Variants in FBLN2 observed in about 807,000 individuals in gnomAD.
The protein encoded by FBLN2 is fibulin-2.
In FBLN2, 81 loss-of-function variants were observed where a neutral mutation model predicts 123.7. That is an observed-to-expected ratio of 0.65 (90% CI 0.55 to 0.79). FBLN2 has a LOEUF of 0.79. Ranked by LOEUF, FBLN2 falls within the 30% of genes least tolerant of loss-of-function variation. FBLN2 has a pLI of 0.00. For synonymous variants in FBLN2, 699 were observed against 701.4 expected (o/e 1.00, Z 0.05); for missense variants, 1,603 against 1,681.3 (o/e 0.95, Z 0.81).
At chr3:13,575,515 A>AGGGGGACTCAGTT (rs1398617588) in intron 2 of FBLN2, among the ~76,000 whole-genome samples, 21 of 152,232 alleles carry the variant, frequency 1.4e-4, no homozygotes, top group Non-Finnish European at 2.1e-4. Context: ...AGACAAGATA[A>AGGGGGACTCAGTT]GGGGGACTCA....
chr3:13,608,027 T>C (rs910750554), intron 2 of FBLN2, 35 bp from the exon 3 acceptor site: 2 of 1,526,310 alleles, frequency 1.3e-6, no homozygotes, highest in African/African-American at 1.4e-5. Flanking sequence ...TGGTGACTTA[T>C]GAATGGTGAC....
rs563157272 is a variant in FBLN2 at position 13,627,975 on chromosome 3, C to T, written c.2569+6C>T. 27 of 1,611,808 alleles carry T rather than the reference C, an allele frequency of 1.7e-5. No individual in the cohort carries two copies. Among genetic ancestry groups the T allele is most frequent in the East Asian group, 4.5e-5 (2 of 44,816 alleles). ...TCCTGAAGGCAACTGTGTGGGTGAG[C>T]GGGGGCTGCAGGGCTGGGGATCATC... On this transcript the variant is annotated splice_donor_region_variant and intron_variant, in intron 11 of 17. Transcript: ENST00000404922.
intron 2 of FBLN2, among the ~76,000 whole-genome samples, chr3:13,584,992 C>T (rs1486881219): frequency 1.3e-5 from 2 of 152,238 alleles, no homozygotes; most frequent in African/African-American, 4.8e-5. Context: ...CCTTCCCCAC[C>T]AAGCTGGCCC....
At chr3:13,609,743 T>C in intron 4 of FBLN2, 101 bp downstream of exon 4, 3 of 1,396,144 alleles carry the variant, frequency 2.1e-6, no homozygotes, top group Non-Finnish European at 2.9e-6. Context: ...TAGGCTGTCC[T>C]TGGGGCTCCT....
chr3:13,561,885 C>T (rs1275122101), intron 1 of FBLN2, among the ~76,000 whole-genome samples: 1 of 152,210 alleles, frequency 6.6e-6, no homozygotes, highest in Non-Finnish European at 1.5e-5. Flanking sequence ...ACACCTTTTA[C>T]TACTTATGTG....
chr3:13,619,848 G>T lies in FBLN2; in HGVS notation c.2155+17G>T, dbSNP rs369198219. 2.5e-6 allele frequency: 4 copies of T among 1,602,418 alleles called. No homozygotes were observed. The African/African-American group carries it at 5.4e-5, about 22-fold the overall frequency. On this transcript the variant is annotated intron_variant, in intron 8 of 17. Coordinates refer to ENST00000404922, the MANE Select transcript of FBLN2 (RefSeq NM_001004019.2). ...CCTGTGAAGGTGAGTGCCTTGGGGT[G>T]CCCTCCTACCTGTGCAAACCTGAGT...
At position 13,549,158 on chromosome 3, in the gene FBLN2, C is replaced by T; in HGVS notation, c.-92C>T. 1 of 982,838 alleles carries T rather than the reference C, an allele frequency of 1.0e-6. No homozygotes were observed. Among genetic ancestry groups the T allele is most frequent in the African/African-American group, 1.8e-5 (1 of 57,010 alleles). The allele number at this position is 982,838 out of a possible 1,614,324, so 60.9% of individuals were successfully genotyped here. On this transcript the variant is annotated 5_prime_UTR_variant, in exon 1 of 18. Coordinates refer to ENST00000404922, the MANE Select transcript of FBLN2 (RefSeq NM_001004019.2). ...CCAGGGGCCGCCCGGGCTCTCGACGCGCCGACGGCCGGGCGGACGGACGGA... is the reference window on the plus strand; with the variant it reads ...CCAGGGGCCGCCCGGGCTCTCGACGTGCCGACGGCCGGGCGGACGGACGGA...
At chr3:13,582,142 C>T (rs1704351287) in intron 2 of FBLN2, among the ~76,000 whole-genome samples, 1 of 152,198 alleles carries the variant, frequency 6.6e-6, no homozygotes, top group Non-Finnish European at 1.5e-5. Context: ...GAGCTCCACT[C>T]ATGGCTGGCG....
chr3:13,616,586 A>G (rs944044660), intron 5 of FBLN2, among the ~76,000 whole-genome samples: 4 of 152,142 alleles, frequency 2.6e-5, no homozygotes, highest in African/African-American at 4.8e-5. Context: ...CACCCTCCAT[A>G]TGAAACACGT....
In FBLN2 at chr3:13,608,093, C is replaced by T. The variant is rs200966744; in HGVS notation, c.1338C>T (p.Cys446=). The change falls in exon 3 of 18, where the codon TGC becomes TGT. Residue 446 remains cysteine (C), a synonymous_variant. Transcript: ENST00000404922. ...CCAAGGACCTGATCGAGACTTGCTGCGCAGCCGGACAGCAGTGGGCCATTG... is the reference window on the plus strand; with the variant it reads ...CCAAGGACCTGATCGAGACTTGCTGTGCAGCCGGACAGCAGTGGGCCATTG... The part of the protein sequence containing the change: ...GSTKDLIETC[C]AAGQQWAIDN... 6.4e-5 allele frequency: 102 copies of T among 1,592,892 alleles called. 1 individual carries two copies. Among genetic ancestry groups the T allele is most frequent in the Admixed American group, 5.9e-4 (34 of 57,178 alleles).
At chr3:13,630,553 A>G (rs954384099) in intron 14 of FBLN2, 146 bp from the exon 15 acceptor site, 37 of 614,810 alleles carry the variant, frequency 6.0e-5, no homozygotes, top group Admixed American at 1.1e-4. Flanking sequence ...CCCAGTCACC[A>G]GGCCTGGCAG....
intron 2 of FBLN2, among the ~76,000 whole-genome samples, chr3:13,581,238 G>C (rs1417054100): frequency 1.3e-5 from 2 of 151,850 alleles, no homozygotes; most frequent in African/African-American, 4.8e-5. Context: ...GGAGGTGTGG[G>C]CCTGGGGCAC....
intron 1 of FBLN2, among the ~76,000 whole-genome samples, chr3:13,563,647 T>C (rs973754982): frequency 1.3e-5 from 2 of 152,220 alleles, no homozygotes; most frequent in Non-Finnish European, 2.9e-5. Flanking sequence ...TCTAAGACAG[T>C]GCGCAGCTCA....
intron 2 of FBLN2, among the ~76,000 whole-genome samples, chr3:13,600,238 T>C (rs1416185950): frequency 6.6e-6 from 1 of 152,096 alleles, no homozygotes; most frequent in Non-Finnish European, 1.5e-5. Flanking sequence ...GGGCTTTGCC[T>C]GGCTCTGCCT....
At chr3:13,593,713 C>CA (rs59546141) in intron 2 of FBLN2, among the ~76,000 whole-genome samples, 956 of 81,146 alleles carry the variant, frequency 0.012, 54 homozygotes, top group Non-Finnish European at 0.016. Flanking sequence ...GACTCTATCT[C>CA]AAAAAAAAAA....
chr3:13,579,219 T>C (rs529859932), intron 2 of FBLN2, among the ~76,000 whole-genome samples: 44 of 152,326 alleles, frequency 2.9e-4, no homozygotes, highest in African/African-American at 1.0e-3. Flanking sequence ...TGCAATTCCC[T>C]GATGACTAAT....
chr3:13,561,381 C>T (rs1223361695), intron 1 of FBLN2, among the ~76,000 whole-genome samples: 2 of 152,098 alleles, frequency 1.3e-5, no homozygotes, highest in Admixed American at 6.5e-5. Flanking sequence ...ACTGACTGAT[C>T]GCCCTCTCCT....
rs1294829932 is a variant in FBLN2 at position 13,608,044 on chromosome 3, T to G, written c.1307-18T>G. ...GTGACTTATGAATGGTGACTCTGCC[T>G]CATGTTGCTATCCACAGGCTCCACC... On this transcript the variant is annotated intron_variant, in intron 2 of 17. Transcript: ENST00000404922. 2 of 1,555,934 alleles carry G rather than the reference T, an allele frequency of 1.3e-6. No homozygotes were observed. The highest frequency in any genetic ancestry group is 1.7e-6 in the Non-Finnish European group (2 of 1,148,224).
intron 2 of FBLN2, among the ~76,000 whole-genome samples, chr3:13,571,913 G>A (rs1489281659): frequency 6.6e-6 from 1 of 152,150 alleles, no homozygotes. Context: ...CCCCCTGGTA[G>A]GGCTGCGGTA....
Sources: gnomAD v4.1 joint callset for allele counts (sites outside exome capture counted in the v4.1 genomes callset) on GRCh38, gnomAD v4.1.1 for gene constraint, MANE v1.5 for transcripts, NCBI Gene and HGNC (gene_info 2026-07-23, HGNC 2026-07-21) for gene names.